The following CSMD3 variants were observed in gnomAD, a reference collection of about 807,000 sequenced individuals.
CSMD3 encodes the protein CUB and Sushi multiple domains 3, also known as CUB and sushi domain-containing protein 3.
Under a neutral mutation model 435.2 loss-of-function variants are expected in CSMD3, and 177 were observed. The observed-to-expected ratio is 0.41, with a 90% CI of 0.36 to 0.46. The LOEUF is 0.46. Among genes scored for constraint, CSMD3 ranks in the 20% least tolerant of loss-of-function variants. The pLI is 0.34. For synonymous variants in CSMD3, 1,656 were observed against 1,520.5 expected (o/e 1.09, Z -2.07); for missense variants, 4,265 against 4,504.6 (o/e 0.95, Z 1.52).
chr8:113,384,066 A>G (rs2094429194), intron 1 of CSMD3, among the ~76,000 whole-genome samples: 1 of 152,182 alleles, frequency 6.6e-6, no homozygotes, highest in South Asian at 2.1e-4. Flanking sequence ...ACCTCTTAAT[A>G]TTCATCTTTT....
chr8:112,360,786 A>C (rs1258663853), intron 38 of CSMD3, among the ~76,000 whole-genome samples: 1 of 151,960 alleles, frequency 6.6e-6, no homozygotes, highest in Non-Finnish European at 1.5e-5. Context: ...ATTTGAAGAG[A>C]TCAATCAGCA....
rs554625794 is a variant in CSMD3, at chr8:112,402,450, C to T, written c.5809+4074G>A. On this transcript the variant is annotated intron_variant, in intron 35 of 70. Transcript: ENST00000297405. Reference sequence around the variant, plus strand: ...TTGGCATATGTAGGTTCTTTGAACACTCTAACTAAAGGAATAAAAGGGTTT... The same window carrying T: ...TTGGCATATGTAGGTTCTTTGAACATTCTAACTAAAGGAATAAAAGGGTTT... Among the ~76,000 whole-genome samples the T allele has an allele frequency of 2.0e-5, 3 of 152,174 alleles. No individual in the cohort carries two copies. In the South Asian group the frequency reaches 6.2e-4, roughly 32 times the overall value.
At chr8:112,690,084 G>A (rs770849649) in intron 13 of CSMD3, 34 bp from the exon 14 acceptor site, 6 of 1,550,218 alleles carry the variant, frequency 3.9e-6, no homozygotes, top group Non-Finnish European at 5.3e-6. Context: ...CACCTTCCAA[G>A]GGTTGCAGGC....
At chr8:112,949,806 C>T (rs1156324733) in intron 8 of CSMD3, among the ~76,000 whole-genome samples, 2 of 152,030 alleles carry the variant, frequency 1.3e-5, no homozygotes. Flanking sequence ...AACATGCATC[C>T]ATCACCCAAG....
At chr8:113,400,832 T>C (rs768539096) in intron 1 of CSMD3, among the ~76,000 whole-genome samples, 10 of 152,016 alleles carry the variant, frequency 6.6e-5, no homozygotes, top group Non-Finnish European at 1.3e-4. Flanking sequence ...TTACTTTGTA[T>C]ATCCTGAAAA....
chr8:113,075,486 A>G (rs149383204), intron 5 of CSMD3, among the ~76,000 whole-genome samples: 2 of 152,002 alleles, frequency 1.3e-5, no homozygotes, highest in East Asian at 3.9e-4. Context: ...ATCTGAAAAG[A>G]TCTCATATAA....
At chr8:113,163,922 A>G in intron 4 of CSMD3, among the ~76,000 whole-genome samples, 1 of 151,988 alleles carries the variant, frequency 6.6e-6, no homozygotes, top group Non-Finnish European at 1.5e-5. Flanking sequence ...TTCCTCTCAT[A>G]TTACTAATAT....
chr8:112,460,608 TTGAA>T (rs1432554016), intron 32 of CSMD3, among the ~76,000 whole-genome samples: 2 of 152,114 alleles, frequency 1.3e-5, no homozygotes, highest in Non-Finnish European at 2.9e-5. Flanking sequence ...TTATCTACCA[TTGAA>T]TGAAAGATTT....
intron 10 of CSMD3, among the ~76,000 whole-genome samples, chr8:112,891,168 A>T (rs1427503495): frequency 6.6e-6 from 1 of 151,548 alleles, no homozygotes; most frequent in African/African-American, 2.4e-5. Flanking sequence ...CTTTAGTCTC[A>T]CTACTCGATG....
Position 112,450,915 on chromosome 8 carries a change from C to A in CSMD3, c.5395+21676G>T, listed in dbSNP as rs1816189029. Among the ~76,000 whole-genome samples, 3 of 152,016 alleles carry A rather than the reference C, an allele frequency of 2.0e-5. No individual in the cohort carries two copies. The South Asian group carries it at 6.2e-4, about 31-fold the overall frequency. ...GAAACTCCTCTTATAGGAATCTAGTCTAGAAACAAATCAGAGATGCCATCA... is the reference window on the plus strand; with the variant it reads ...GAAACTCCTCTTATAGGAATCTAGTATAGAAACAAATCAGAGATGCCATCA... On this transcript the variant is annotated intron_variant, in intron 32 of 70. Transcript: ENST00000297405.
At chr8:112,472,829 A>G in intron 31 of CSMD3, 122 bp from the exon 32 acceptor site, 1 of 661,812 alleles carries the variant, frequency 1.5e-6, no homozygotes, top group Non-Finnish European at 2.7e-6. Context: ...ATTTATTTGC[A>G]TCTTATAATA....
At chr8:112,527,233 A>G (rs1024074190) in intron 27 of CSMD3, among the ~76,000 whole-genome samples, 1 of 151,912 alleles carries the variant, frequency 6.6e-6, no homozygotes, top group Non-Finnish European at 1.5e-5. Context: ...AAATATAAAG[A>G]CACTGATAAC....
chr8:112,911,274 CTTA>C (rs1346178316), intron 10 of CSMD3, among the ~76,000 whole-genome samples: 1 of 4,328 alleles, frequency 2.3e-4, no homozygotes, highest in Non-Finnish European at 3.7e-4. Context: ...ATATCTCCAG[CTTA>C]TTAAGATACA....
chr8:112,776,146 C>G (rs1457357103), intron 13 of CSMD3, among the ~76,000 whole-genome samples: 2 of 151,676 alleles, frequency 1.3e-5, no homozygotes, highest in Non-Finnish European at 3.0e-5. Flanking sequence ...CCTATTGACT[C>G]CTTATTTAAA....
At chr8:112,757,215 T>A (rs2077721210) in intron 13 of CSMD3, among the ~76,000 whole-genome samples, 1 of 152,190 alleles carries the variant, frequency 6.6e-6, no homozygotes, top group Admixed American at 6.5e-5. Flanking sequence ...CACATTGATC[T>A]ATGGAAAGCT....
chr8:112,433,654 C>CAAAAAAAAAAAAAAAAAAAAAAAAAAAA (rs35572894), intron 32 of CSMD3, among the ~76,000 whole-genome samples: 14 of 93,202 alleles, frequency 1.5e-4, no homozygotes, highest in South Asian at 4.2e-4. Flanking sequence ...GAGAACCTGT[C>CAAAAAAAAAAAAAAAAAAAAAAAAAAAA]AAAAAAAAAA....
At chr8:112,955,233 A>G (rs2083972155) in intron 7 of CSMD3, among the ~76,000 whole-genome samples, 1 of 151,728 alleles carries the variant, frequency 6.6e-6, no homozygotes, top group Non-Finnish European at 1.5e-5. Flanking sequence ...TGACTTAATT[A>G]GAAAAGTTTA....
At position 112,996,296 on chromosome 8, in the gene CSMD3, C is replaced by T. The variant is rs549850561; in HGVS notation, c.1031-20148G>A. On this transcript the variant is annotated intron_variant, in intron 6 of 70. Coordinates refer to ENST00000297405, the MANE Select transcript of CSMD3 (RefSeq NM_198123.2). Reference sequence around the variant, plus strand: ...CCCCTGGTAACCACCATTTTACTCTCGACTTCTATGAGTTCAACTATTTTA... The same window carrying T: ...CCCCTGGTAACCACCATTTTACTCTTGACTTCTATGAGTTCAACTATTTTA... 3.0e-4 allele frequency among the ~76,000 whole-genome samples: 46 copies of T among 151,526 alleles called. No individual in the cohort carries two copies. In the South Asian group the frequency reaches 3.1e-3, roughly 10 times the overall value.
At chr8:113,436,296 T>C (rs761310138) in intron 1 of CSMD3, among the ~76,000 whole-genome samples, 11 of 152,198 alleles carry the variant, frequency 7.2e-5, no homozygotes, top group Non-Finnish European at 1.3e-4. Flanking sequence ...GCGTCTTTAA[T>C]ATATATATTC....
Sources: gnomAD v4.1 joint callset for allele counts (sites outside exome capture counted in the v4.1 genomes callset) on GRCh38, gnomAD v4.1.1 for gene constraint, MANE v1.5 for transcripts, NCBI Gene and HGNC (gene_info 2026-07-23, HGNC 2026-07-21) for gene names.